Variants in CERS2 observed in about 807,000 individuals in gnomAD.
The protein encoded by CERS2 is ceramide synthase 2.
In CERS2, 20 loss-of-function variants were observed where a neutral mutation model predicts 56.6. The observed-to-expected ratio is 0.35, with a 90% CI of 0.25 to 0.51. CERS2 has a LOEUF of 0.51. Ranked by LOEUF, CERS2 falls within the 20% of genes least tolerant of loss-of-function variation. The probability of loss-of-function intolerance (pLI) is 0.96; values close to 1 mark genes in which losing one functional copy is unlikely to be tolerated. For synonymous variants in CERS2, 187 were observed against 175.4 expected (o/e 1.07, Z -0.52); for missense variants, 361 against 488.6 (o/e 0.74, Z 2.46).
At chr1:150,970,687 AT>A (rs372600314) in intron 1 of CERS2, among the ~76,000 whole-genome samples, 13 of 149,468 alleles carry the variant, frequency 8.7e-5, no homozygotes, top group Non-Finnish European at 1.3e-4. Context: ...TAATTTTTGA[AT>A]TTTTTTTTTG....
At chr1:150,970,227 C>CAA (rs35333038) in intron 1 of CERS2, among the ~76,000 whole-genome samples, 2,444 of 50,870 alleles carry the variant, frequency 0.048, 401 homozygotes, top group African/African-American at 0.22. Flanking sequence ...GACTCTGTCT[C>CAA]AAAAAAAAAA....
At chr1:150,970,880 T>C (rs922985913) in intron 1 of CERS2, among the ~76,000 whole-genome samples, 1 of 152,132 alleles carries the variant, frequency 6.6e-6, no homozygotes, top group African/African-American at 2.4e-5. Flanking sequence ...GGAACACCCA[T>C]ACCCTCTCAG....
At position 150,968,968 on chromosome 1, in the gene CERS2, G is replaced by A. The variant is rs1424270642; in HGVS notation, c.123C>T (p.Ile41=). The A allele has an allele frequency of 2.4e-5, 39 of 1,613,972 alleles. No homozygotes were observed. The highest frequency in any genetic ancestry group is 1.7e-4 in the Middle Eastern group (1 of 6,034). Residue 41 remains isoleucine, a synonymous_variant, in exon 2 of 11, where the codon ATC becomes ATT. Coordinates refer to ENST00000368954, the MANE Select transcript of CERS2 (RefSeq NM_022075.5). Reference sequence around the variant, plus strand: ...GGAAGAGCAAGGCCAGGGGCAGCGTGATATAGAGATCTGAGGCTTTGGCGT... The same window carrying A: ...GGAAGAGCAAGGCCAGGGGCAGCGTAATATAGAGATCTGAGGCTTTGGCGT... ...RVYAKASDLY[I]TLPLALLFLI...
Position 150,968,450 on chromosome 1 carries a change from G to A in CERS2, c.236C>T (p.Pro79Leu), listed in dbSNP as rs765004344. The change falls in exon 3 of 11, where the codon CCT becomes CTT. Residue 79 changes from proline to leucine, a missense_variant. Transcript: ENST00000368954. ...GAAATGTTCCAAGGTGGCGTTGGGA[G>A]GTGCCCGCAGCCGAGTTTTCTCCTT... ...NIKEKTRLRA[P>L]PNATLEHFYL... 2 of 1,614,202 alleles carry A rather than the reference G, an allele frequency of 1.2e-6. No individual in the cohort carries two copies. Among genetic ancestry groups the A allele is most frequent in the Non-Finnish European group, 1.7e-6 (2 of 1,180,036 alleles).
rs969131085 is a variant in CERS2, at chr1:150,968,613, C to A, written c.174-101G>T. On this transcript the variant is annotated intron_variant, in intron 2 of 10. Coordinates refer to ENST00000368954, the MANE Select transcript of CERS2 (RefSeq NM_022075.5). ...GGCCTCAGTTTCCCCAGCTTCCTGG[C>A]AACCCCCTTTTCTCTAGCCTCCAGG... The A allele has an allele frequency of 6.2e-6, 6 of 975,126 alleles. No individual in the cohort carries two copies. In the African/African-American group the frequency reaches 9.6e-5, roughly 16 times the overall value. The allele number at this position is 975,126 out of a possible 1,614,324, so 60.4% of individuals were successfully genotyped here. A position where few individuals can be genotyped will look rare whatever the true frequency, so the allele number is the denominator to read the frequency against.
In CERS2 at chr1:150,965,622, C is replaced by G. The variant is rs1324557697; in HGVS notation, c.*526G>C. 6.5e-6 allele frequency: 1 copy of G among 153,450 alleles called. No individual in the cohort carries two copies. The highest frequency in any genetic ancestry group is 1.5e-5 in the Non-Finnish European group (1 of 68,722). 9.5% of individuals were successfully genotyped at this position (153,450 alleles called of 1,614,324 possible). ...GAGGTAGGGTAAGGGTTATGTGCAC[C>G]CTCCTCCTACCCTCAATTCATTTGT... On this transcript the variant is annotated 3_prime_UTR_variant, in exon 11 of 11. Transcript: ENST00000368954.
intron 1 of CERS2, 48 bp from the exon 2 acceptor site, chr1:150,969,139 G>A (rs946618864): frequency 2.6e-6 from 4 of 1,551,770 alleles, no homozygotes; most frequent in Non-Finnish European, 2.7e-6. Flanking sequence ...TAGCTATGGA[G>A]GAAGAGATAG....
At chr1:150,971,811 G>A (rs766639550) in intron 1 of CERS2, 247 of 468,886 alleles carry the variant, frequency 5.3e-4, no homozygotes, top group Non-Finnish European at 8.8e-5. Context: ...TTTTTGCTCA[G>A]CCTGATTGGA....
intron 8 of CERS2, 34 bp downstream of exon 8, chr1:150,967,040 T>C: frequency 1.2e-6 from 2 of 1,611,002 alleles, no homozygotes. Context: ...CAGAAGAACC[T>C]GCACCAGGGT....
intron 2 of CERS2, 62 bp from the exon 3 acceptor site, chr1:150,968,574 G>A: frequency 7.5e-7 from 1 of 1,334,056 alleles, no homozygotes; most frequent in South Asian, 1.2e-5. Flanking sequence ...TGCAAGCTAA[G>A]GCAACTTTAC....
chr1:150,969,136 GGAGGAA>G (rs1671114456), intron 1 of CERS2, 45 bp from the exon 2 acceptor site: 1 of 1,565,546 alleles, frequency 6.4e-7, no homozygotes, highest in Admixed American at 1.7e-5. Context: ...GAGTAGCTAT[GGAGGAA>G]GAGATAGATG....
rs1318352013 is a variant in CERS2 at position 150,966,465 on chromosome 1, C to T, written c.1002+11G>A. On this transcript the variant is annotated intron_variant, in intron 10 of 10. Transcript: ENST00000368954. ...AGTAGTAAGGCCTACACAATGGGAA[C>T]AGGGCTTCACCTTTCCAGTTATGAA... 1 of 1,613,892 alleles carries T rather than the reference C, an allele frequency of 6.2e-7. No homozygotes were observed. Among genetic ancestry groups the T allele is most frequent in the Non-Finnish European group, 8.5e-7 (1 of 1,179,976 alleles).
chr1:150,970,099 A>G (rs587684087), intron 1 of CERS2, among the ~76,000 whole-genome samples: 1 of 151,814 alleles, frequency 6.6e-6, no homozygotes, highest in Admixed American at 6.6e-5. Context: ...GTGGTGGCAC[A>G]TGCCTGTAAT....
rs1303639690 is a variant in CERS2 at position 150,967,424 on chromosome 1, G to A, written c.580C>T (p.Leu194Phe). The A allele has an allele frequency of 6.2e-7, 1 of 1,603,892 alleles. No individual in the cohort carries two copies. Among genetic ancestry groups the A allele is most frequent in the Non-Finnish European group, 8.5e-7 (1 of 1,170,832 alleles). Reference protein sequence around the residue: ...MIELSFYWSLLFSIASDVKRK... With the variant: ...MIELSFYWSLFFSIASDVKRK... ...TTGACATCAGAGGCAATGCTGAAGA[G>A]CAGGGACCAGTAGAAGGAAAGTTCA... The change falls in exon 7 of 11, where the codon CTC becomes TTC. Residue 194 changes from leucine (L) to phenylalanine (F), a missense_variant. Around this residue, in one of 3 missense-constraint regions of CERS2, gnomAD observed 236 missense variants for 309.2 expected, o/e 0.76. Coordinates refer to ENST00000368954, the MANE Select transcript of CERS2 (RefSeq NM_022075.5).
At chr1:150,971,769 T>C (rs1304051778) in intron 1 of CERS2, 2 of 454,060 alleles carry the variant, frequency 4.4e-6, no homozygotes, top group Non-Finnish European at 9.1e-6. Context: ...GCGGAACACT[T>C]TGATGTGTGC....
rs1671022519 is a variant in CERS2 at position 150,966,554 on chromosome 1, C to G, written c.924G>C (p.Met308Ile). The G allele has an allele frequency of 6.2e-7, 1 of 1,614,072 alleles. No homozygotes were observed. The highest frequency in any genetic ancestry group is 8.5e-7 in the Non-Finnish European group (1 of 1,179,994). ...TATGCAGCAGCTGTAGAACTCCCATCATGGAATTGAAGAAGTAATAGCCAA... is the reference window on the plus strand; with the variant it reads ...TATGCAGCAGCTGTAGAACTCCCATGATGGAATTGAAGAAGTAATAGCCAA... The part of the protein sequence containing the change: ...AFFGYYFFNS[M>I]MGVLQLLHIF... Residue 308 changes from methionine to isoleucine, a missense_variant, in exon 10 of 11, where the codon ATG (methionine) becomes ATC (isoleucine). Met to Ile is a conservative substitution (Grantham distance 10, BLOSUM62 1). Around this residue, in one of 3 missense-constraint regions of CERS2, gnomAD observed 122 missense variants for 151.9 expected, o/e 0.80. Transcript: ENST00000368954.
rs909389637 is a variant in CERS2, at chr1:150,966,005, G to T, written c.*143C>A. ...TAGAATTTGGTTTAAAGGCAACTGG[G>T]TGACAAGCAAGGAGGGAGGATGCAG... On this transcript the variant is annotated 3_prime_UTR_variant, in exon 11 of 11. Transcript: ENST00000368954. 4.9e-5 allele frequency: 44 copies of T among 890,766 alleles called. No individual in the cohort carries two copies. The African/African-American group carries it at 6.6e-4, about 13-fold the overall frequency. 55.2% of individuals were successfully genotyped at this position (890,766 alleles called of 1,614,324 possible).
At chr1:150,967,539 C>T (rs1671059227) in intron 6 of CERS2, 55 bp from the exon 7 acceptor site, 2 of 1,395,714 alleles carry the variant, frequency 1.4e-6, no homozygotes, top group South Asian at 1.2e-5. Context: ...CCCCACTCCA[C>T]AAACCCCCTA....
In CERS2 at chr1:150,965,495, AG is replaced by A. The variant is rs1558030751; in HGVS notation, c.*652del. ...GGGGGAAGAGGCCAGAGAAAGGAGG[AG>A]GCAGTCAGATCTTAGACCTGTCGCT... is the stretch of plus-strand genomic sequence containing the variant. On this transcript the variant is annotated 3_prime_UTR_variant, in exon 11 of 11. Transcript: ENST00000368954. 1.3e-5 allele frequency: 2 copies of A among 148,476 alleles called. No individual in the cohort carries two copies. The highest frequency in any genetic ancestry group is 4.9e-5 in the African/African-American group (2 of 40,612). The allele number at this position is 148,476 out of a possible 1,614,324, so 9.2% of individuals were successfully genotyped here. A position where few individuals can be genotyped will look rare whatever the true frequency, so the allele number is the denominator to read the frequency against.
Sources: gnomAD v4.1 joint callset for allele counts (sites outside exome capture counted in the v4.1 genomes callset) on GRCh38, gnomAD v4.1.1 for gene constraint, gnomAD v4.1.1 regional missense constraint, MANE v1.5 for transcripts, NCBI Gene and HGNC (gene_info 2026-07-23, HGNC 2026-07-21) for gene names.